ST6GALNAC3: variants seen among roughly 807,000 people sequenced by gnomAD.
ST6GALNAC3 encodes the protein alpha-N-acetylgalactosaminide alpha-2,6-sialyltransferase 3.
A neutral mutation model predicts 32.7 loss-of-function variants in ST6GALNAC3; 25 were observed. The observed-to-expected ratio is 0.76, with a 90% confidence interval of 0.56 to 1.07. ST6GALNAC3 has a LOEUF of 1.07. Among genes scored for constraint, ST6GALNAC3 ranks in the 50% least tolerant of loss-of-function variants. ST6GALNAC3 has a pLI of 0.00. For synonymous variants in ST6GALNAC3, 129 were observed against 133.1 expected (o/e 0.97, Z 0.21); for missense variants, 355 against 382.4 (o/e 0.93, Z 0.60).
At chr1:76,074,940 G>A (rs756560556) in intron 1 of ST6GALNAC3, 56 bp downstream of exon 1, 11 of 1,566,780 alleles carry the variant, frequency 7.0e-6, no homozygotes, top group Non-Finnish European at 8.7e-6. Context: ...TTGCTGCTCA[G>A]AGGCACGGAG....
intron 1 of ST6GALNAC3, among the ~76,000 whole-genome samples, chr1:76,107,321 A>G (rs571547179): frequency 2.2e-3 from 322 of 148,968 alleles, no homozygotes; most frequent in African/African-American, 7.8e-3. Context: ...TTTTATAATA[A>G]TCAGGCATCC....
chr1:76,193,487 T>C (rs1239284417), intron 1 of ST6GALNAC3, among the ~76,000 whole-genome samples: 1 of 152,122 alleles, frequency 6.6e-6, no homozygotes, highest in Non-Finnish European at 1.5e-5. Context: ...GTATATTTAT[T>C]TGAATAAATA....
intron 2 of ST6GALNAC3, among the ~76,000 whole-genome samples, chr1:76,369,814 T>C (rs920634800): frequency 8.5e-5 from 13 of 152,204 alleles, no homozygotes. Flanking sequence ...TATTAGGCAA[T>C]GCTAGCTCTA....
intron 3 of ST6GALNAC3, among the ~76,000 whole-genome samples, chr1:76,429,785 C>T (rs1437740955): frequency 6.6e-6 from 1 of 152,140 alleles, no homozygotes; most frequent in Non-Finnish European, 1.5e-5. Context: ...CCTCAGAAAA[C>T]AGAGACTGTT....
intron 1 of ST6GALNAC3, among the ~76,000 whole-genome samples, chr1:76,155,286 G>A (rs1169500366): frequency 6.6e-6 from 1 of 152,072 alleles, no homozygotes; most frequent in Admixed American, 6.5e-5. Context: ...TCTCCTCCAT[G>A]CGCCTACACT....
chr1:76,625,114 A>G (rs568834480), intron 3 of ST6GALNAC3, among the ~76,000 whole-genome samples: 1 of 152,100 alleles, frequency 6.6e-6, no homozygotes, highest in Admixed American at 6.5e-5. Flanking sequence ...ATATGAAACC[A>G]GATATCCTCA....
chr1:76,199,223 A>G (rs1165230777), intron 1 of ST6GALNAC3, among the ~76,000 whole-genome samples: 1 of 152,234 alleles, frequency 6.6e-6, no homozygotes, highest in Non-Finnish European at 1.5e-5. Flanking sequence ...TACCTCTGGT[A>G]TAACCCAAAT....
intron 2 of ST6GALNAC3, among the ~76,000 whole-genome samples, chr1:76,391,363 T>G (rs537059237): frequency 3.3e-5 from 5 of 152,220 alleles, no homozygotes; most frequent in Non-Finnish European, 7.3e-5. Flanking sequence ...GTGCTGTGGA[T>G]GTATGGAGAT....
Position 76,493,031 on chromosome 1 carries a change from CT to C in ST6GALNAC3, c.623+80627del, listed in dbSNP as rs141388563. On this transcript the variant is annotated intron_variant, in intron 3 of 4. Coordinates refer to ENST00000328299, the MANE Select transcript of ST6GALNAC3 (RefSeq NM_152996.4). ...ACATGAAACAAAGAGTTGACACCTTCTTTTTTTTTTTTTCTTATTTTAAAGG... is the reference window on the plus strand; with the variant it reads ...ACATGAAACAAAGAGTTGACACCTTCTTTTTTTTTTTTCTTATTTTAAAGG... 2.4e-3 allele frequency among the ~76,000 whole-genome samples: 348 copies of C among 145,088 alleles called. 1 individual carries two copies. The highest frequency in any genetic ancestry group is 7.2e-3 in the Middle Eastern group (2 of 276).
At chr1:76,327,875 C>A (rs987596620) in intron 2 of ST6GALNAC3, among the ~76,000 whole-genome samples, 14 of 152,162 alleles carry the variant, frequency 9.2e-5, no homozygotes, top group African/African-American at 3.1e-4. Context: ...CAGGCGTGAA[C>A]CCCCATGCCT....
intron 1 of ST6GALNAC3, among the ~76,000 whole-genome samples, chr1:76,298,097 G>T (rs1660511716): frequency 6.6e-6 from 1 of 152,008 alleles, no homozygotes; most frequent in African/African-American, 2.4e-5. Context: ...GAGGCTGGAG[G>T]AACAGTCAGA....
At chr1:76,602,608 A>G (rs1647285220) in intron 3 of ST6GALNAC3, among the ~76,000 whole-genome samples, 2 of 152,184 alleles carry the variant, frequency 1.3e-5, no homozygotes, top group South Asian at 4.1e-4. Context: ...TTTGATAGCA[A>G]GTTAGGGATT....
intron 1 of ST6GALNAC3, among the ~76,000 whole-genome samples, chr1:76,198,274 G>A (rs1654323301): frequency 6.6e-6 from 1 of 152,198 alleles, no homozygotes; most frequent in African/African-American, 2.4e-5. Flanking sequence ...GAGCTCAAGT[G>A]ATCCTCCTGC....
At position 76,254,384 on chromosome 1, in the gene ST6GALNAC3, A is replaced by G. The variant is rs184167047; in HGVS notation, c.19-59421A>G. Among the ~76,000 whole-genome samples the G allele has an allele frequency of 2.6e-3, 395 of 152,156 alleles. 2 individuals are homozygous for G. The highest frequency in any genetic ancestry group is 8.8e-3 in the African/African-American group (367 of 41,538). ...AAAACTGTCTCATGCCGTGTTTTTG[A>G]TTTCTCTCCCCTATTCAGTTTGTTT... On this transcript the variant is annotated intron_variant, in intron 1 of 4. Transcript: ENST00000328299.
intron 1 of ST6GALNAC3, among the ~76,000 whole-genome samples, chr1:76,116,054 G>A (rs975195770): frequency 6.6e-6 from 1 of 152,128 alleles, no homozygotes; most frequent in Non-Finnish European, 1.5e-5. Context: ...AAGCTACATA[G>A]CCCTTTCATT....
At chr1:76,158,309 T>C (rs1244083294) in intron 1 of ST6GALNAC3, among the ~76,000 whole-genome samples, 1 of 152,040 alleles carries the variant, frequency 6.6e-6, no homozygotes, top group African/African-American at 2.4e-5. Flanking sequence ...GGAGGAGGGA[T>C]CTGTGCAATG....
intron 3 of ST6GALNAC3, among the ~76,000 whole-genome samples, chr1:76,435,476 G>A (rs1656076258): frequency 6.6e-6 from 1 of 152,108 alleles, no homozygotes; most frequent in Non-Finnish European, 1.5e-5. Context: ...GTTAAAGAAA[G>A]TTTTAAAGAC....
At chr1:76,516,062 C>T (rs186883276) in intron 3 of ST6GALNAC3, among the ~76,000 whole-genome samples, 128 of 152,220 alleles carry the variant, frequency 8.4e-4, no homozygotes, top group Non-Finnish European at 1.6e-3. Context: ...ACTAATAATA[C>T]GTACTTTATA....
At chr1:76,097,031 G>T (rs997037344) in intron 1 of ST6GALNAC3, among the ~76,000 whole-genome samples, 1 of 150,588 alleles carries the variant, frequency 6.6e-6, no homozygotes, top group Non-Finnish European at 1.5e-5. Context: ...CGATTCTCCT[G>T]CCTCAGCCTC....
Sources: allele counts gnomAD v4.1 joint callset (sites outside exome capture counted in the v4.1 genomes callset), GRCh38; gene constraint gnomAD v4.1.1; transcripts MANE v1.5; gene names NCBI Gene and HGNC (gene_info 2026-07-23, HGNC 2026-07-21).